Variants in NXNL2 observed in about 807,000 individuals in gnomAD.
The protein encoded by NXNL2 is nucleoredoxin like 2.
A neutral mutation model predicts 11.1 loss-of-function variants in NXNL2; 7 were observed. That is an observed-to-expected ratio of 0.63 (90% CI 0.36 to 1.18). The LOEUF is 1.18. Ranked by LOEUF, NXNL2 falls within the 50% of genes most tolerant of loss-of-function variation. The pLI is 0.02. For synonymous variants in NXNL2, 109 were observed against 101.8 expected (o/e 1.07, Z -0.42); for missense variants, 233 against 217.7 (o/e 1.07, Z -0.44).
intron 1 of NXNL2, among the ~76,000 whole-genome samples, chr9:88,560,176 C>T (rs1830069104): frequency 6.6e-6 from 1 of 152,008 alleles, no homozygotes; most frequent in South Asian, 2.1e-4. Context: ...TGAAAAAAGG[C>T]CTGGTCACTT....
At chr9:88,557,366 A>G (rs1830031371) in intron 1 of NXNL2, among the ~76,000 whole-genome samples, 1 of 152,214 alleles carries the variant, frequency 6.6e-6, no homozygotes, top group Admixed American at 6.5e-5. Flanking sequence ...CTTTCCTTTC[A>G]TGCTGGGCAT....
At chr9:88,578,461 A>G (rs1300663203), downstream of NXNL2, among the ~76,000 whole-genome samples, 1 of 152,274 alleles carries the variant, frequency 6.6e-6, no homozygotes, top group Non-Finnish European at 1.5e-5. Flanking sequence ...TTTTAGTAAT[A>G]AAATTTATTT....
chr9:88,555,867 G>A (rs1587848441), intron 1 of NXNL2, among the ~76,000 whole-genome samples: 3 of 152,330 alleles, frequency 2.0e-5, no homozygotes. Flanking sequence ...GTGAGCCAGT[G>A]AGCAGAGGGT....
chr9:88,550,392 A>C (rs575754183), intron 1 of NXNL2, among the ~76,000 whole-genome samples: 1 of 152,362 alleles, frequency 6.6e-6, no homozygotes, highest in African/African-American at 2.4e-5. Context: ...AGTGAGAGAA[A>C]GTGAGGCATT....
At position 88,570,521 on chromosome 9, in the gene NXNL2, G is replaced by A. The variant is rs149699458; in HGVS notation, c.303-566G>A. ...CCTTTATTTAAATGCAAACTCCTGG[G>A]CAAGTTTGTTTACCTCATCATGCCT... On this transcript the variant is annotated intron_variant, in intron 1 of 2. Coordinates refer to the NXNL2 transcript ENST00000375855. Among the ~76,000 whole-genome samples, 384 of 152,298 alleles carry A rather than the reference G, an allele frequency of 2.5e-3. 1 individual carries two copies. The highest frequency in any genetic ancestry group is 8.1e-3 in the African/African-American group (335 of 41,558).
At chr9:88,569,026 A>G (rs562513518) in intron 1 of NXNL2, among the ~76,000 whole-genome samples, 9 of 152,132 alleles carry the variant, frequency 5.9e-5, no homozygotes, top group Non-Finnish European at 1.3e-4. Flanking sequence ...TCTCAGGCTC[A>G]AGCGATATTT....
In NXNL2 at chr9:88,571,067, TTTTC is replaced by T. The variant is rs755555777; in HGVS notation, c.303-16_303-13del. 8.1e-5 allele frequency: 33 copies of T among 407,200 alleles called. No homozygotes were observed. The East Asian group carries it at 3.1e-3, about 39-fold the overall frequency. 25.2% of individuals were successfully genotyped at this position (407,200 alleles called of 1,614,324 possible). On this transcript the variant is annotated splice_polypyrimidine_tract_variant and intron_variant, in intron 1 of 2. Coordinates refer to the NXNL2 transcript ENST00000375855. ...TCCCCAATACTGTTTTGATGCTTTC[TTTTC>T]TTTTTTTTTTTTCAGACGGAGTCTC... is the stretch of plus-strand genomic sequence containing the variant.
At chr9:88,560,373 GA>G in intron 1 of NXNL2, among the ~76,000 whole-genome samples, 1 of 151,888 alleles carries the variant, frequency 6.6e-6, no homozygotes, top group Non-Finnish European at 1.5e-5. Flanking sequence ...CCCCCACAAG[GA>G]GATGCTAAAC....
intron 1 of NXNL2, among the ~76,000 whole-genome samples, chr9:88,540,268 G>C (rs1829723773): frequency 1.3e-5 from 2 of 151,710 alleles, no homozygotes; most frequent in African/African-American, 4.8e-5. Flanking sequence ...GGAGGCGGAG[G>C]TTGCAGTGAG....
At chr9:88,570,414 G>T (rs146860426) in intron 1 of NXNL2, among the ~76,000 whole-genome samples, 131 of 152,144 alleles carry the variant, frequency 8.6e-4, no homozygotes, top group Non-Finnish European at 1.6e-4. Context: ...CACCATGCCT[G>T]GCAGGTTTTA....
At chr9:88,552,878 A>G (rs1470169736) in intron 1 of NXNL2, among the ~76,000 whole-genome samples, 1 of 152,210 alleles carries the variant, frequency 6.6e-6, no homozygotes, top group Non-Finnish European at 1.5e-5. Context: ...AATGAGAACA[A>G]TTGTGCCCAG....
chr9:88,547,443 CA>C (rs1023554630), downstream of NXNL2, among the ~76,000 whole-genome samples: 5 of 152,272 alleles, frequency 3.3e-5, no homozygotes, highest in Middle Eastern at 3.4e-3. Context: ...ACACACACCA[CA>C]AACACACACA....
intron 1 of NXNL2, among the ~76,000 whole-genome samples, chr9:88,561,306 C>T (rs1174837672): frequency 6.6e-6 from 1 of 152,152 alleles, no homozygotes; most frequent in Non-Finnish European, 1.5e-5. Flanking sequence ...GTTTAGGGAC[C>T]CGGACTGGCT....
chr9:88,568,641 T>G (rs1425573407), intron 1 of NXNL2, among the ~76,000 whole-genome samples: 20 of 152,244 alleles, frequency 1.3e-4, no homozygotes, highest in Admixed American at 1.3e-3. Flanking sequence ...CTATTTGATT[T>G]TCTGTATCAT....
chr9:88,561,618 G>T (rs568365717), intron 1 of NXNL2, among the ~76,000 whole-genome samples: 5 of 152,222 alleles, frequency 3.3e-5, no homozygotes, highest in African/African-American at 1.2e-4. Context: ...CTGGAGGAGG[G>T]GGAAAGGTAG....
chr9:88,568,559 C>T (rs1289344503), intron 1 of NXNL2, among the ~76,000 whole-genome samples: 21 of 152,218 alleles, frequency 1.4e-4, no homozygotes, highest in Non-Finnish European at 2.6e-4. Flanking sequence ...ATTATCTTTC[C>T]ATATTTATGT....
chr9:88,545,020 A>G (rs1829828724), downstream of NXNL2: 1 of 357,288 alleles, frequency 2.8e-6, no homozygotes, highest in South Asian at 1.2e-4. Flanking sequence ...AGGTGCCAGT[A>G]GGAAGAAAAG....
chr9:88,564,736 T>C (rs1830142858), intron 1 of NXNL2, among the ~76,000 whole-genome samples: 1 of 152,206 alleles, frequency 6.6e-6, no homozygotes, highest in Non-Finnish European at 1.5e-5. Flanking sequence ...ATCTGTCTAA[T>C]CTATTATCTG....
intron 1 of NXNL2, among the ~76,000 whole-genome samples, chr9:88,552,473 G>GGTTTTTTTTTTTTTTT (rs796387920): frequency 1.5e-5 from 2 of 131,564 alleles, no homozygotes; most frequent in African/African-American, 5.6e-5. Context: ...AAACATGCAT[G>GGTTTTTTTTTTTTTTT]TTTTTTTTTT....
Sources: gnomAD v4.1 joint callset for allele counts (sites outside exome capture counted in the v4.1 genomes callset) on GRCh38, gnomAD v4.1.1 for gene constraint, MANE v1.5 for transcripts, NCBI Gene and HGNC (gene_info 2026-07-23, HGNC 2026-07-21) for gene names.